CDH9: variants seen among roughly 807,000 people sequenced by gnomAD.
CDH9 encodes the protein cadherin 9.
In CDH9, 28 loss-of-function variants were observed where a neutral mutation model predicts 70.9. That is an observed-to-expected ratio of 0.40 (90% CI 0.29 to 0.54). CDH9 has a LOEUF of 0.54. Ranked by LOEUF, CDH9 falls within the 20% of genes least tolerant of loss-of-function variation. The pLI is 0.59. For synonymous variants in CDH9, 409 were observed against 343.1 expected (o/e 1.19, Z -2.12); for missense variants, 874 against 984.4 (o/e 0.89, Z 1.50).
chr5:26,937,937 G>A (rs1394550293), intron 2 of CDH9, among the ~76,000 whole-genome samples: 2 of 151,918 alleles, frequency 1.3e-5, no homozygotes, highest in Admixed American at 1.3e-4. Context: ...CCATTGAACT[G>A]CCCAACACAC....
chr5:27,031,150 T>G (rs935903145), intron 1 of CDH9, among the ~76,000 whole-genome samples: 1 of 151,808 alleles, frequency 6.6e-6, no homozygotes, highest in Admixed American at 6.6e-5. Flanking sequence ...AAACATTACA[T>G]AATTAGAATT....
At chr5:26,901,599 A>C (rs915254467) in intron 7 of CDH9, among the ~76,000 whole-genome samples, 2 of 151,930 alleles carry the variant, frequency 1.3e-5, no homozygotes, top group Non-Finnish European at 2.9e-5. Context: ...AATGTTAAGC[A>C]AAGTAGAATT....
intron 2 of CDH9, among the ~76,000 whole-genome samples, chr5:26,980,453 G>GA (rs1402306428): frequency 6.6e-6 from 1 of 151,678 alleles, no homozygotes; most frequent in Admixed American, 6.6e-5. Flanking sequence ...CCAATTACCT[G>GA]AAAAAAATGT....
At chr5:26,950,400 A>T (rs1237807542) in intron 2 of CDH9, among the ~76,000 whole-genome samples, 1 of 152,232 alleles carries the variant, frequency 6.6e-6, no homozygotes, top group African/African-American at 2.4e-5. Flanking sequence ...TAGTATTTAA[A>T]TTAAAACCAG....
intron 9 of CDH9, among the ~76,000 whole-genome samples, chr5:26,889,630 C>T (rs1740621219): frequency 1.3e-5 from 2 of 151,838 alleles, no homozygotes; most frequent in African/African-American, 2.4e-5. Flanking sequence ...ATAATATTCC[C>T]TACTATATTA....
intron 1 of CDH9, among the ~76,000 whole-genome samples, chr5:27,004,755 C>T (rs1254956231): frequency 6.6e-6 from 1 of 151,964 alleles, no homozygotes; most frequent in Non-Finnish European, 1.5e-5. Context: ...GATCAATATG[C>T]CCTATTTAAC....
intron 1 of CDH9, among the ~76,000 whole-genome samples, chr5:27,018,334 T>C (rs1743081314): frequency 6.6e-6 from 1 of 151,632 alleles, no homozygotes; most frequent in Non-Finnish European, 1.5e-5. Context: ...ACATGTAAAA[T>C]TAAATATATA....
At chr5:26,923,619 C>T (rs67196784) in intron 2 of CDH9, among the ~76,000 whole-genome samples, 25,673 of 151,950 alleles carry the variant, frequency 0.17, 2,212 homozygotes, top group Middle Eastern at 0.31. Flanking sequence ...GGCTGCAGAA[C>T]ATACATTCTT....
chr5:26,978,913 C>G (rs1011550385), intron 2 of CDH9, among the ~76,000 whole-genome samples: 17 of 151,554 alleles, frequency 1.1e-4, no homozygotes, highest in Non-Finnish European at 2.5e-4. Flanking sequence ...AAATATTTTT[C>G]AAAAATGAAA....
At chr5:27,021,170 CA>C (rs1743131728) in intron 1 of CDH9, among the ~76,000 whole-genome samples, 1 of 151,544 alleles carries the variant, frequency 6.6e-6, no homozygotes, top group African/African-American at 2.4e-5. Context: ...CTGGGCCATC[CA>C]AAAGAGGGAG....
chr5:26,986,372 A>G (rs1039956060), intron 2 of CDH9, among the ~76,000 whole-genome samples: 2 of 152,156 alleles, frequency 1.3e-5, no homozygotes, highest in African/African-American at 4.8e-5. Context: ...AAAGCTATGC[A>G]TGTACATTTA....
chr5:26,957,493 C>T (rs7728592), intron 2 of CDH9, among the ~76,000 whole-genome samples: 138,956 of 151,892 alleles, frequency 0.91, 64,836 homozygotes, highest in East Asian at 1. Context: ...GAAACCCTGT[C>T]TCTACTAAAA....
intron 1 of CDH9, among the ~76,000 whole-genome samples, chr5:26,993,698 CAAAAAAAAAAAA>C (rs34545141): frequency 2.0e-5 from 1 of 51,004 alleles, no homozygotes; most frequent in Non-Finnish European, 3.3e-5. Flanking sequence ...TATTCAGCTG[CAAAAAAAAAAAA>C]AAAAAAAAAA....
chr5:26,985,269 T>C (rs1265286609), intron 2 of CDH9, among the ~76,000 whole-genome samples: 1 of 152,108 alleles, frequency 6.6e-6, no homozygotes, highest in East Asian at 1.9e-4. Flanking sequence ...CTAGCTCTTC[T>C]TGTCCCTAAT....
chr5:27,021,051 G>C (rs527448637), intron 1 of CDH9, among the ~76,000 whole-genome samples: 2 of 151,606 alleles, frequency 1.3e-5, no homozygotes, highest in African/African-American at 2.4e-5. Flanking sequence ...TGATGAAAAT[G>C]ATTATTTTAT....
At chr5:26,954,176 G>C (rs974621524) in intron 2 of CDH9, among the ~76,000 whole-genome samples, 3 of 151,716 alleles carry the variant, frequency 2.0e-5, no homozygotes, top group Non-Finnish European at 4.4e-5. Context: ...AGTGACAGCT[G>C]GATTACCAGG....
At position 27,001,844 on chromosome 5, in the gene CDH9, A is replaced by ACTCTCTCTCTCTCT. The variant is rs141271541; in HGVS notation, c.-49-13476_-49-13463dup. Among the ~76,000 whole-genome samples the ACTCTCTCTCTCTCT allele has an allele frequency of 4.0e-3, 572 of 142,012 alleles. 4 individuals carry two copies. The highest frequency in any genetic ancestry group is 0.015 in the African/African-American group (537 of 36,428). The allele number at this position is 142,012 out of a possible 152,430, so 93.2% of individuals were successfully genotyped here. On this transcript the variant is annotated intron_variant, in intron 1 of 11. Transcript: ENST00000231021. Reference sequence around the variant, plus strand: ...GTGCTTAACATACACACACACACACACTCTCTCTCTCTCTCTCTCTCTCTC... The same window carrying ACTCTCTCTCTCTCT: ...GTGCTTAACATACACACACACACACACTCTCTCTCTCTCTCTCTCTCTCTCTCTCTCTCTCTCTC...
intron 9 of CDH9, 121 bp from the exon 10 acceptor site, chr5:26,886,204 A>T: frequency 8.4e-7 from 1 of 1,187,020 alleles, no homozygotes; most frequent in Non-Finnish European, 1.1e-6. Flanking sequence ...CAAGAAAACA[A>T]AATAAATGCC....
At chr5:26,917,663 G>C (rs1561194453) in intron 2 of CDH9, among the ~76,000 whole-genome samples, 1 of 151,990 alleles carries the variant, frequency 6.6e-6, no homozygotes, top group Non-Finnish European at 1.5e-5. Context: ...TCCCATCTCT[G>C]AAATATCTTC....
Sources: allele counts gnomAD v4.1 joint callset (sites outside exome capture counted in the v4.1 genomes callset), GRCh38; gene constraint gnomAD v4.1.1; transcripts MANE v1.5; gene names NCBI Gene and HGNC (gene_info 2026-07-23, HGNC 2026-07-21).